GEM: variants seen among roughly 807,000 people sequenced by gnomAD.
GEM encodes the protein GTP-binding protein GEM.
GEM carries 31 observed loss-of-function variants against 33.0 expected under a neutral mutation model. The observed-to-expected ratio is 0.94, with a 90% CI of 0.71 to 1.27. The LOEUF is 1.27. Among genes scored for constraint, GEM ranks in the 50% most tolerant of loss-of-function variants. GEM has a pLI of 0.00. For synonymous variants in GEM, 141 were observed against 143.7 expected (o/e 0.98, Z 0.13); for missense variants, 354 against 390.5 (o/e 0.91, Z 0.79).
intron 2 of GEM, among the ~76,000 whole-genome samples, chr8:94,259,331 A>T (rs1403899812): frequency 6.6e-6 from 1 of 152,232 alleles, no homozygotes; most frequent in East Asian, 1.9e-4. Flanking sequence ...AACACAGACC[A>T]TGTGACTTGG....
intron 2 of GEM, chr8:94,259,912 C>G (rs1273659965): frequency 2.4e-6 from 1 of 414,704 alleles, no homozygotes; most frequent in African/African-American, 2.0e-5. Context: ...AATCAGCCTT[C>G]CCCAACCCAT....
chr8:94,260,275 G>C lies in GEM; in HGVS notation c.229C>G (p.Arg77Gly), dbSNP rs550393204. The C allele has an allele frequency of 1.2e-6, 2 of 1,613,768 alleles. No homozygotes were observed. The highest frequency in any genetic ancestry group is 1.7e-5 in the Admixed American group (1 of 60,022). Residue 77 changes from arginine (R) to glycine (G), a missense_variant, in exon 2 of 5, where the codon CGA (arginine) becomes GGA (glycine). Arg to Gly is a moderately radical substitution (Grantham distance 125). Coordinates refer to ENST00000297596, the MANE Select transcript of GEM (RefSeq NM_005261.4). ...ISSESGNTYY[R>G]VVLIGEQGVG... ...CCCTGCTCCCCTATGAGCACCACTC[G>C]GTAGTAGGTGTTCCCTGACTCAGAG...
intron 2 of GEM, among the ~76,000 whole-genome samples, chr8:94,255,012 T>C (rs1365664113): frequency 6.6e-6 from 1 of 152,184 alleles, no homozygotes; most frequent in Non-Finnish European, 1.5e-5. Context: ...CAAGGGAGAC[T>C]GTCAGAGCCT....
Position 94,260,255 on chromosome 8 carries a change from C to T in GEM, c.249G>A (p.Glu83=), listed in dbSNP as rs772521690. The change falls in exon 2 of 5, where the codon GAG becomes GAA. Residue 83 remains glutamate, a synonymous_variant. Coordinates refer to ENST00000297596, the MANE Select transcript of GEM (RefSeq NM_005261.4). Reference sequence around the variant, plus strand: ...CCAGAGTGGACTTGCCCACCCCCTGCTCCCCTATGAGCACCACTCGGTAGT... The same window carrying T: ...CCAGAGTGGACTTGCCCACCCCCTGTTCCCCTATGAGCACCACTCGGTAGT... ...NTYYRVVLIG[E]QGVGKSTLAN... 1 of 1,613,838 alleles carries T rather than the reference C, an allele frequency of 6.2e-7. No individual in the cohort carries two copies. Among genetic ancestry groups the T allele is most frequent in the Non-Finnish European group, 8.5e-7 (1 of 1,179,674 alleles).
intron 1 of GEM, among the ~76,000 whole-genome samples, chr8:94,261,369 C>T (rs1354803984): frequency 6.6e-6 from 1 of 152,070 alleles, no homozygotes; most frequent in African/African-American, 2.4e-5. Flanking sequence ...TTTTTTGAGT[C>T]AGGGTCTTGC....
At chr8:94,261,410 G>A (rs1000917685) in intron 1 of GEM, among the ~76,000 whole-genome samples, 1 of 152,182 alleles carries the variant, frequency 6.6e-6, no homozygotes, top group Non-Finnish European at 1.5e-5. Flanking sequence ...GCAGTGGCAC[G>A]ATCATAGCTC....
In GEM at chr8:94,258,829, T is replaced by G. The variant is rs139229652; in HGVS notation, c.331+1344A>C. ...TAAATCCACCTTCCTTATTGGGTGATTCTGGATAAGGCTTTTGATCTCCCT... is the reference window on the plus strand; with the variant it reads ...TAAATCCACCTTCCTTATTGGGTGAGTCTGGATAAGGCTTTTGATCTCCCT... On this transcript the variant is annotated intron_variant, in intron 2 of 4. Transcript: ENST00000297596. Among the ~76,000 whole-genome samples the G allele has an allele frequency of 3.3e-5, 5 of 152,326 alleles. 1 individual carries two copies. The East Asian group carries it at 9.6e-4, about 29-fold the overall frequency.
chr8:94,260,870 C>G (rs1469210757), intron 1 of GEM: 1 of 186,110 alleles, frequency 5.4e-6, no homozygotes, highest in Non-Finnish European at 1.1e-5. Context: ...AAAGAACCAG[C>G]AGACTCCAAA....
At position 94,256,021 on chromosome 8, in the gene GEM, C is replaced by G. The variant is rs569283259; in HGVS notation, c.332-2909G>C. Among the ~76,000 whole-genome samples the G allele has an allele frequency of 5.3e-5, 8 of 152,290 alleles. No individual in the cohort carries two copies. The East Asian group carries it at 1.5e-3, about 29-fold the overall frequency. On this transcript the variant is annotated intron_variant, in intron 2 of 4. Coordinates refer to ENST00000297596, the MANE Select transcript of GEM (RefSeq NM_005261.4). ...CCGGCCTCTCCCTGGGCTTCCGTTT[C>G]CATCCTGGCAGAATTCAGCTTTAGC...
intron 2 of GEM, among the ~76,000 whole-genome samples, chr8:94,258,239 T>C (rs1483991260): frequency 6.6e-6 from 1 of 152,230 alleles, no homozygotes; most frequent in Non-Finnish European, 1.5e-5. Context: ...ACAAACATTT[T>C]TGAAAGTCTA....
intron 2 of GEM, 88 bp downstream of exon 2, chr8:94,260,085 C>T (rs1808980935): frequency 8.3e-6 from 7 of 847,784 alleles, no homozygotes; most frequent in Non-Finnish European, 1.1e-5. Flanking sequence ...CAGCTCCCAA[C>T]TCTGTGGGTA....
rs1295067536 is a variant in GEM, at chr8:94,260,340, C to T, written c.164G>A (p.Arg55His). The stretch of plus-strand genomic sequence containing the variant: ...TGTGGAGTCAGAGGACCAGCTTCGG[C>T]GGCAGTGGTCCTCAGGGGTAGCAGA... ...RHSATPEDHCRRSWSSDSTDS... is the reference protein window; with the variant it reads ...RHSATPEDHCHRSWSSDSTDS... Residue 55 changes from arginine to histidine, a missense_variant, in exon 2 of 5, where the codon CGC (arginine) becomes CAC (histidine). Physicochemically the swap from Arg to His is conservative, Grantham distance 29. Coordinates refer to ENST00000297596, the MANE Select transcript of GEM (RefSeq NM_005261.4). 8.1e-6 allele frequency: 13 copies of T among 1,614,086 alleles called. No individual in the cohort carries two copies. Among genetic ancestry groups the T allele is most frequent in the East Asian group, 2.2e-5 (1 of 44,896 alleles).
At chr8:94,257,836 A>AT (rs949623528) in intron 2 of GEM, among the ~76,000 whole-genome samples, 4 of 151,054 alleles carry the variant, frequency 2.6e-5, no homozygotes, top group African/African-American at 9.8e-5. Flanking sequence ...TATTATGTCG[A>AT]TTTTTTTTCT....
At chr8:94,251,152 T>TAAAATA (rs1472755961) in intron 4 of GEM, among the ~76,000 whole-genome samples, 1 of 152,196 alleles carries the variant, frequency 6.6e-6, no homozygotes, top group African/African-American at 2.4e-5. Flanking sequence ...TCCTCTCTTT[T>TAAAATA]AAAATAAAAA....
rs769973168 is a variant in GEM at position 94,260,354 on chromosome 8, A to G, written c.150T>C (p.Pro50=). ...YSHRNRHSAT[P]EDHCRRSWSS... ...ACCAGCTTCGGCGGCAGTGGTCCTC[A>G]GGGGTAGCAGAATGGCGGTTGCGGT... Residue 50 remains proline, a synonymous_variant, in exon 2 of 5, where the codon CCT becomes CCC. Transcript: ENST00000297596. The G allele has an allele frequency of 6.2e-7, 1 of 1,614,224 alleles. No individual in the cohort carries two copies. The highest frequency in any genetic ancestry group is 1.1e-5 in the South Asian group (1 of 91,088).
At chr8:94,252,801 G>A (rs1302799706) in intron 3 of GEM, among the ~76,000 whole-genome samples, 1 of 152,200 alleles carries the variant, frequency 6.6e-6, no homozygotes, top group Non-Finnish European at 1.5e-5. Context: ...CTTTTTGGGT[G>A]TGTTTTTTAA....
At chr8:94,254,053 C>T (rs1391514259) in intron 2 of GEM, among the ~76,000 whole-genome samples, 1 of 152,084 alleles carries the variant, frequency 6.6e-6, no homozygotes, top group East Asian at 1.9e-4. Flanking sequence ...CTCAAATACC[C>T]ACAAGGCCTG....
At chr8:94,259,633 A>T (rs1808972409) in intron 2 of GEM, among the ~76,000 whole-genome samples, 1 of 152,178 alleles carries the variant, frequency 6.6e-6, no homozygotes, top group Admixed American at 6.5e-5. Flanking sequence ...AAGCTGTCAG[A>T]CTCTATAGAA....
intron 2 of GEM, among the ~76,000 whole-genome samples, chr8:94,257,654 T>G (rs1315095861): frequency 6.6e-6 from 1 of 152,190 alleles, no homozygotes; most frequent in Non-Finnish European, 1.5e-5. Flanking sequence ...AGAAGCCCCA[T>G]GACTCTTTGC....
Sources: allele counts gnomAD v4.1 joint callset (sites outside exome capture counted in the v4.1 genomes callset), GRCh38; gene constraint gnomAD v4.1.1; transcripts MANE v1.5; gene names NCBI Gene and HGNC (gene_info 2026-07-23, HGNC 2026-07-21).